SLMAP: variants seen among roughly 807,000 people sequenced by gnomAD.
SLMAP encodes the protein sarcolemma associated protein.
SLMAP carries 44 observed loss-of-function variants against 128.8 expected under a neutral mutation model. That is an observed-to-expected ratio of 0.34 (90% confidence interval 0.27 to 0.44). SLMAP has a LOEUF of 0.44. SLMAP is among the 20% of genes least tolerant of loss of function. The probability of loss-of-function intolerance (pLI) is 1.00; values close to 1 mark genes in which losing one functional copy is unlikely to be tolerated. For missense variants in SLMAP, 787 were observed against 985.3 expected (o/e 0.80, Z 2.69); for synonymous variants, 327 against 348.8 (o/e 0.94, Z 0.70).
At chr3:57,868,460 A>G (rs533937176) in intron 13 of SLMAP, among the ~76,000 whole-genome samples, 31 of 150,144 alleles carry the variant, frequency 2.1e-4, no homozygotes, top group African/African-American at 6.1e-4. Flanking sequence ...GTGTGGTGGC[A>G]TGTGCCTGTA....
At chr3:57,871,202 T>A (rs180762966) in intron 13 of SLMAP, among the ~76,000 whole-genome samples, 60 of 152,336 alleles carry the variant, frequency 3.9e-4, no homozygotes, top group African/African-American at 1.4e-3. Context: ...ATGGTATTAC[T>A]TTATGATATT....
intron 17 of SLMAP, among the ~76,000 whole-genome samples, chr3:57,902,427 T>G (rs2096408737): frequency 6.6e-6 from 1 of 152,236 alleles, no homozygotes. Flanking sequence ...GAGTGTTTTG[T>G]AAGATAGAGT....
chr3:57,847,471 G>C (rs2094310799), intron 5 of SLMAP, among the ~76,000 whole-genome samples: 1 of 152,184 alleles, frequency 6.6e-6, no homozygotes, highest in African/African-American at 2.4e-5. Flanking sequence ...TGTAAACTAG[G>C]AGTACCTGTT....
intron 14 of SLMAP, among the ~76,000 whole-genome samples, chr3:57,889,176 G>T (rs767437543): frequency 1.3e-5 from 2 of 152,196 alleles, no homozygotes; most frequent in Non-Finnish European, 2.9e-5. Flanking sequence ...GAGCCACTGC[G>T]CACGGCCCCT....
At chr3:57,762,663 C>CT (rs2078914273) in intron 2 of SLMAP, among the ~76,000 whole-genome samples, 1 of 149,868 alleles carries the variant, frequency 6.7e-6, no homozygotes, top group Non-Finnish European at 1.5e-5. Context: ...ATCCTTCATC[C>CT]TTTTCGGAAG....
intron 2 of SLMAP, among the ~76,000 whole-genome samples, chr3:57,798,506 A>G (rs1317530872): frequency 2.0e-5 from 3 of 152,104 alleles, no homozygotes; most frequent in African/African-American, 4.8e-5. Flanking sequence ...TTTTTCCTCA[A>G]CTGATGTTTT....
intron 2 of SLMAP, among the ~76,000 whole-genome samples, chr3:57,785,601 A>G (rs192919314): frequency 1.3e-5 from 2 of 152,334 alleles, no homozygotes; most frequent in South Asian, 2.1e-4. Context: ...CTAAATAGCA[A>G]CATACATGTA....
chr3:57,786,332 C>T (rs1468519436), intron 2 of SLMAP, among the ~76,000 whole-genome samples: 1 of 152,144 alleles, frequency 6.6e-6, no homozygotes, highest in African/African-American at 2.4e-5. Flanking sequence ...AGGAAAAGAG[C>T]TATCCAGAAC....
At chr3:57,808,220 T>C (rs2090270945) in intron 2 of SLMAP, among the ~76,000 whole-genome samples, 1 of 152,136 alleles carries the variant, frequency 6.6e-6, no homozygotes, top group Non-Finnish European at 1.5e-5. Flanking sequence ...CCTAGATTCA[T>C]AGTTTTTTTT....
intron 6 of SLMAP, among the ~76,000 whole-genome samples, chr3:57,851,007 A>T (rs1264635343): frequency 1.3e-5 from 2 of 152,248 alleles, no homozygotes; most frequent in African/African-American, 4.8e-5. Context: ...GCAAGTAATT[A>T]TATAGCACTT....
Position 57,841,292 on chromosome 3 carries a change from C to T in SLMAP, c.347-7C>T. The T allele has an allele frequency of 6.4e-7, 1 of 1,568,268 alleles. No homozygotes were observed. Among genetic ancestry groups the T allele is most frequent in the Non-Finnish European group, 8.7e-7 (1 of 1,148,852 alleles). ...TTTCATCCATATTATTTGTTTGTTT[C>T]AACCAGTTACCCATGGGTGTATTGT... On this transcript the variant is annotated splice_region_variant and splice_polypyrimidine_tract_variant and intron_variant, in intron 3 of 24. Coordinates refer to ENST00000671191, the MANE Select transcript of SLMAP (RefSeq NM_001377540.1).
chr3:57,904,122 T>A (rs892893569), intron 17 of SLMAP, among the ~76,000 whole-genome samples: 1,921 of 152,306 alleles, frequency 0.013, 28 homozygotes, highest in African/African-American at 0.044. Flanking sequence ...TCGATTTGTT[T>A]GAATATAGTC....
chr3:57,781,179 AC>A, intron 2 of SLMAP, among the ~76,000 whole-genome samples: 1 of 152,108 alleles, frequency 6.6e-6, no homozygotes. Flanking sequence ...TGATTGCACC[AC>A]TGCATTCCAG....
chr3:57,825,062 G>T (rs1444044985), intron 2 of SLMAP, among the ~76,000 whole-genome samples: 2 of 152,098 alleles, frequency 1.3e-5, no homozygotes, highest in African/African-American at 4.8e-5. Flanking sequence ...TTCATTGCTG[G>T]TATGTAGAAA....
chr3:57,869,611 T>G (rs2095418681), intron 13 of SLMAP, among the ~76,000 whole-genome samples: 1 of 118,676 alleles, frequency 8.4e-6, no homozygotes, highest in East Asian at 3.0e-4. Context: ...CTAGACAACA[T>G]AGCAAGATCC....
chr3:57,882,102 T>A (rs6793552), intron 14 of SLMAP, among the ~76,000 whole-genome samples: 1 of 152,164 alleles, frequency 6.6e-6, no homozygotes, highest in Non-Finnish European at 1.5e-5. Flanking sequence ...ATTTAATCCT[T>A]TTTTTAGGAT....
intron 6 of SLMAP, among the ~76,000 whole-genome samples, chr3:57,853,739 G>A (rs774520255): frequency 6.6e-6 from 1 of 150,714 alleles, no homozygotes; most frequent in African/African-American, 2.4e-5. Context: ...TCAGGAGTTC[G>A]AGACCAGCCT....
intron 2 of SLMAP, among the ~76,000 whole-genome samples, chr3:57,810,512 C>G (rs1039734482): frequency 2.0e-5 from 3 of 152,206 alleles, no homozygotes; most frequent in Non-Finnish European, 4.4e-5. Flanking sequence ...ATTTCACTTT[C>G]TCTATTAGCA....
chr3:57,804,329 A>G (rs1178827115), intron 2 of SLMAP, among the ~76,000 whole-genome samples: 1 of 152,184 alleles, frequency 6.6e-6, no homozygotes, highest in Non-Finnish European at 1.5e-5. Context: ...TTATACTGTC[A>G]GTAGTTGAGT....
Sources: allele counts gnomAD v4.1 joint callset (sites outside exome capture counted in the v4.1 genomes callset), GRCh38; gene constraint gnomAD v4.1.1; transcripts MANE v1.5; gene names NCBI Gene and HGNC (gene_info 2026-07-23, HGNC 2026-07-21).